HID1: variants seen among roughly 807,000 people sequenced by gnomAD.
HID1 encodes the protein protein HID1.
A neutral mutation model predicts 89.7 loss-of-function variants in HID1; 42 were observed. The observed-to-expected ratio is 0.47, with a 90% confidence interval of 0.37 to 0.61. The LOEUF (loss-of-function observed/expected upper bound fraction) is 0.61. Among genes scored for constraint, HID1 ranks in the 20% least tolerant of loss-of-function variants. The pLI is 0.00. For missense variants in HID1, 854 were observed against 1,039.3 expected (o/e 0.82, Z 2.45); for synonymous variants, 442 against 433.8 (o/e 1.02, Z -0.24).
Position 74,953,536 on chromosome 17 carries a change from G to A in HID1, c.1971+9C>T, listed in dbSNP as rs369843615. ...GCCACGCCCGGCTCCAGGAGTCCCC[G>A]TCACCCACCCCCTTAGCCGGGCTGC... On this transcript the variant is annotated intron_variant, in intron 15 of 18. Coordinates refer to ENST00000425042, the MANE Select transcript of HID1 (RefSeq NM_030630.3). The A allele has an allele frequency of 1.7e-4, 268 of 1,611,804 alleles. No homozygotes were observed. Among genetic ancestry groups the A allele is most frequent in the South Asian group, 3.6e-4 (33 of 91,028 alleles).
At position 74,960,090 on chromosome 17, in the gene HID1, C is replaced by T. The variant is rs760526503; in HGVS notation, c.887G>A (p.Ser296Asn). 3.7e-6 allele frequency: 6 copies of T among 1,613,950 alleles called. No homozygotes were observed. The highest frequency in any genetic ancestry group is 3.3e-5 in the Admixed American group (2 of 60,032). The change falls in exon 7 of 19, where the codon AGT (serine) becomes AAT (asparagine). Residue 296 changes from serine to asparagine, a missense_variant. By Grantham distance (46) the Ser-to-Asn change is conservative. Transcript: ENST00000425042. The stretch of plus-strand genomic sequence containing the variant: ...CACAGTGGGGCTGGCACTGCTGGCA[C>T]TGTCGTGGTCCAAAGTGACAATGAG... ...QVLIVTLDHD[S>N]ASSASPTVDG...
intron 1 of HID1, among the ~76,000 whole-genome samples, chr17:74,970,950 C>T (rs2039637512): frequency 6.6e-6 from 1 of 152,212 alleles, no homozygotes; most frequent in African/African-American, 2.4e-5. Flanking sequence ...GAAGGCTGGT[C>T]TGATCTCCAG....
rs2039304260 is a variant in HID1, at chr17:74,951,796, T to C, written c.2303+109A>G. 7 of 1,386,252 alleles carry C rather than the reference T, an allele frequency of 5.0e-6. No homozygotes were observed. The South Asian group carries it at 8.6e-5, about 17-fold the overall frequency. The allele number at this position is 1,386,252 out of a possible 1,614,324, so 85.9% of individuals were successfully genotyped here. A position where few individuals can be genotyped will look rare whatever the true frequency, so the allele number is the denominator to read the frequency against. ...ACCAGGCAAGGCCGCCTTAGTTGAC[T>C]GTCTTGACATGAAGTCCACCATAGG... On this transcript the variant is annotated intron_variant, in intron 18 of 18. Coordinates refer to ENST00000425042, the MANE Select transcript of HID1 (RefSeq NM_030630.3).
chr17:74,954,576 T>C, intron 13 of HID1: 1 of 824,168 alleles, frequency 1.2e-6, no homozygotes, highest in Admixed American at 2.8e-5. Context: ...ATGTCAGGCC[T>C]GAGCACCTCA....
rs779971564 is a variant in HID1, at chr17:74,963,914, T to G, written c.217-4A>C. The G allele has an allele frequency of 7.9e-5, 128 of 1,613,232 alleles. 1 individual carries two copies. Among genetic ancestry groups the G allele is most frequent in the Non-Finnish European group, 2.4e-5 (28 of 1,179,814 alleles). On this transcript the variant is annotated splice_polypyrimidine_tract_variant and splice_region_variant and intron_variant, in intron 2 of 18. Coordinates refer to ENST00000425042, the MANE Select transcript of HID1 (RefSeq NM_030630.3). ...CCTGCACCAGCTTCTCAACGGCCTG[T>G]GGGGGCAGGCAGGAGCAGAGGGCAG... is the stretch of plus-strand genomic sequence containing the variant.
At chr17:74,957,199 TGTG>T (rs1233510544) in intron 12 of HID1, among the ~76,000 whole-genome samples, 1 of 151,388 alleles carries the variant, frequency 6.6e-6, no homozygotes, top group African/African-American at 2.4e-5. Context: ...TATGGCCGGG[TGTG>T]GTGGTTCACA....
chr17:74,958,564 T>G lies in HID1; in HGVS notation c.1241-86A>C. On this transcript the variant is annotated intron_variant, in intron 10 of 18. Coordinates refer to ENST00000425042, the MANE Select transcript of HID1 (RefSeq NM_030630.3). This position sits in a 1 kb window ranked among gnomAD's most constrained non-coding sequence, Gnocchi z 5.2. Reference sequence around the variant, plus strand: ...GTGACCATTTTGGAGGCCTCCCTCCTAGGAGGTCAGAGTGCCAGGCCTGAG... The same window carrying G: ...GTGACCATTTTGGAGGCCTCCCTCCGAGGAGGTCAGAGTGCCAGGCCTGAG... The G allele has an allele frequency of 6.3e-7, 1 of 1,581,842 alleles. No individual in the cohort carries two copies.
Position 74,953,099 on chromosome 17 carries a change from A to C in HID1, c.1972-13T>G. 1 of 1,597,410 alleles carries C rather than the reference A, an allele frequency of 6.3e-7. No homozygotes were observed. The highest frequency in any genetic ancestry group is 1.1e-5 in the South Asian group (1 of 88,490). ...CCTGGCTGGGCTCCTGGCCCCCAGAAAGGAACAGGGGTGAGGGATGGTGGC... is the reference window on the plus strand; with the variant it reads ...CCTGGCTGGGCTCCTGGCCCCCAGACAGGAACAGGGGTGAGGGATGGTGGC... On this transcript the variant is annotated splice_polypyrimidine_tract_variant and intron_variant, in intron 15 of 18. Coordinates refer to ENST00000425042, the MANE Select transcript of HID1 (RefSeq NM_030630.3).
intron 1 of HID1, among the ~76,000 whole-genome samples, chr17:74,965,291 G>A (rs944699065): frequency 6.6e-6 from 1 of 152,150 alleles, no homozygotes; most frequent in Non-Finnish European, 1.5e-5. Context: ...ATGCACCGAG[G>A]TGGCATCCTG....
Position 74,962,394 on chromosome 17 carries a change from C to T in HID1, c.505-54G>A. The T allele has an allele frequency of 7.7e-7, 1 of 1,290,872 alleles. No individual in the cohort carries two copies. Among genetic ancestry groups the T allele is most frequent in the Non-Finnish European group, 1.1e-6 (1 of 907,996 alleles). 80.0% of individuals were successfully genotyped at this position (1,290,872 alleles called of 1,614,324 possible). Reference sequence around the variant, plus strand: ...TAGGGGGTCGAGAGGTGAACAGCAGCCTGGGTCAGAACCTGGCCACCTCGA... The same window carrying T: ...TAGGGGGTCGAGAGGTGAACAGCAGTCTGGGTCAGAACCTGGCCACCTCGA... On this transcript the variant is annotated intron_variant, in intron 4 of 18. Coordinates refer to ENST00000425042, the MANE Select transcript of HID1 (RefSeq NM_030630.3). This position sits in a 1 kb window ranked among gnomAD's most constrained non-coding sequence, Gnocchi z 4.3.
At chr17:74,965,312 G>A (rs749917498) in intron 1 of HID1, among the ~76,000 whole-genome samples, 7 of 152,266 alleles carry the variant, frequency 4.6e-5, no homozygotes, top group East Asian at 1.9e-4. Flanking sequence ...CATGCACCAC[G>A]GCACCGCTGC....
At chr17:74,952,397 G>A in intron 16 of HID1, 37 bp from the exon 17 acceptor site, 1 of 1,541,380 alleles carries the variant, frequency 6.5e-7, no homozygotes, top group Non-Finnish European at 9.0e-7. Context: ...TGAGAAAGCA[G>A]CCCCCGGAGG....
chr17:74,960,323 T>G, intron 6 of HID1, 75 bp from the exon 7 acceptor site: 1 of 1,298,414 alleles, frequency 7.7e-7, no homozygotes, highest in Non-Finnish European at 1.1e-6. Flanking sequence ...TCTGGCCACG[T>G]GGGAAGGTCA....
chr17:74,953,067 C>A lies in HID1; in HGVS notation c.1991G>T (p.Arg664Met), dbSNP rs2039331012. The A allele has an allele frequency of 1.2e-6, 2 of 1,607,810 alleles. No individual in the cohort carries two copies. The highest frequency in any genetic ancestry group is 8.5e-7 in the Non-Finnish European group (1 of 1,178,038). The change falls in exon 16 of 19, where the codon AGG (arginine) becomes ATG (methionine). Residue 664 changes from arginine to methionine, a missense_variant. Transcript: ENST00000425042. ...TGAGGTGGACGGTCGCCGCTGCTCC[C>A]TCCATGCCTGGCTGGGCTCCTGGCC... ...PAKGEPSQAW[R>M]EQRRPSTSSA... is the part of the protein sequence containing the mutation.
chr17:74,956,445 A>G (rs1036104618), intron 12 of HID1, among the ~76,000 whole-genome samples: 1 of 152,126 alleles, frequency 6.6e-6, no homozygotes, highest in African/African-American at 2.4e-5. Flanking sequence ...ACCCAGACTG[A>G]AGTTCCATGC....
intron 3 of HID1, 139 bp from the exon 4 acceptor site, chr17:74,963,220 C>T (rs904914697): frequency 1.6e-6 from 1 of 607,352 alleles, no homozygotes; most frequent in Non-Finnish European, 2.8e-6. Flanking sequence ...AGGAAGTGGA[C>T]TCCTGGTTGC....
At chr17:74,968,509 G>A (rs988145718) in intron 1 of HID1, among the ~76,000 whole-genome samples, 3 of 152,310 alleles carry the variant, frequency 2.0e-5, no homozygotes, top group Non-Finnish European at 4.4e-5. Flanking sequence ...GGTAACATGT[G>A]GCCATGACTC....
intron 17 of HID1, 43 bp from the exon 18 acceptor site, chr17:74,952,106 G>A: frequency 1.3e-6 from 2 of 1,544,678 alleles, no homozygotes; most frequent in East Asian, 2.4e-5. Flanking sequence ...CGTGGTCCAG[G>A]GGAGCACGGG....
rs1598627273 is a variant in HID1, at chr17:74,961,856, G to C, written c.728+17C>G. ...AATAAGAGGGAAGAGAGCGCAGAAA[G>C]GCCAAGGGCCCTTCACCTGTTCTCC... On this transcript the variant is annotated intron_variant, in intron 6 of 18. Transcript: ENST00000425042. The C allele has an allele frequency of 7.0e-7, 1 of 1,423,962 alleles. No homozygotes were observed. Among genetic ancestry groups the C allele is most frequent in the South Asian group, 1.4e-5 (1 of 74,020 alleles). The allele number at this position is 1,423,962 out of a possible 1,614,324, so 88.2% of individuals were successfully genotyped here.
Sources: allele counts gnomAD v4.1 joint callset (sites outside exome capture counted in the v4.1 genomes callset), GRCh38; gene constraint gnomAD v4.1.1; non-coding constraint Gnocchi (gnomAD v3.1); transcripts MANE v1.5; gene names NCBI Gene and HGNC (gene_info 2026-07-23, HGNC 2026-07-21).